WWC1: variants seen among roughly 807,000 people sequenced by gnomAD.
The protein encoded by WWC1 is WW and C2 domain containing 1.
WWC1 carries 55 observed loss-of-function variants against 138.4 expected under a neutral mutation model. The observed-to-expected ratio is 0.40, with a 90% confidence interval of 0.32 to 0.50. The LOEUF (loss-of-function observed/expected upper bound fraction) is 0.50, where lower values mean the gene tolerates loss of function less well. WWC1 is among the 20% of genes least tolerant of loss of function. WWC1 has a pLI of 0.72. For missense variants in WWC1, 1,226 were observed against 1,420.4 expected (o/e 0.86, Z 2.20); for synonymous variants, 524 against 564.9 (o/e 0.93, Z 1.03).
chr5:168,306,221 A>G (rs1561587695), intron 1 of WWC1, among the ~76,000 whole-genome samples: 1 of 151,980 alleles, frequency 6.6e-6, no homozygotes, highest in East Asian at 1.9e-4. Context: ...ACATGGTGAG[A>G]CCCTGTCTCT....
rs535087106 is a variant in WWC1 at position 168,375,667 on chromosome 5, C to T, written c.229+4134C>T. ...TTGTCTCACTGCAACCTCCACCTTCCGGGTTCAAGCAATTCTCCTGCCTCA... is the reference window on the plus strand; with the variant it reads ...TTGTCTCACTGCAACCTCCACCTTCTGGGTTCAAGCAATTCTCCTGCCTCA... On this transcript the variant is annotated intron_variant, in intron 2 of 22. Transcript: ENST00000265293. 4.8e-3 allele frequency among the ~76,000 whole-genome samples: 723 copies of T among 152,170 alleles called. 11 individuals are homozygous for T. The highest frequency in any genetic ancestry group is 0.016 in the African/African-American group (679 of 41,494).
chr5:168,325,615 TTCC>T (rs1772465783), intron 1 of WWC1, among the ~76,000 whole-genome samples: 1 of 152,212 alleles, frequency 6.6e-6, no homozygotes, highest in Non-Finnish European at 1.5e-5. Flanking sequence ...TGCACTGACA[TTCC>T]ATGTGAGAAA....
At position 168,423,984 on chromosome 5, in the gene WWC1, C is replaced by G. The variant is rs1325305481; in HGVS notation, c.1726C>G (p.Leu576Val). The stretch of plus-strand genomic sequence containing the variant: ...TGAAGACCCGGAGCTGAGTGCCACT[C>G]TTTGTGAACTGAGCCTTGGTAACAG... The part of the protein sequence containing the change: ...EFEDPELSAT[L>V]CELSLGNSAQ... Residue 576 changes from leucine (L) to valine (V), a missense_variant, in exon 11 of 23, where the codon CTT (leucine) becomes GTT (valine). Physicochemically the swap from Leu to Val is conservative, Grantham distance 32 (BLOSUM62 1). Coordinates refer to ENST00000265293, the MANE Select transcript of WWC1 (RefSeq NM_015238.3). The G allele has an allele frequency of 6.2e-7, 1 of 1,614,142 alleles. No individual in the cohort carries two copies. Among genetic ancestry groups the G allele is most frequent in the Admixed American group, 1.7e-5 (1 of 60,018 alleles).
chr5:168,404,465 C>T (rs1279454131), intron 5 of WWC1, among the ~76,000 whole-genome samples: 1 of 152,226 alleles, frequency 6.6e-6, no homozygotes, highest in African/African-American at 2.4e-5. Flanking sequence ...TGTTTTCTCT[C>T]CATGGAGGCT....
chr5:168,467,674 A>G, intron 21 of WWC1, 166 bp from the exon 22 acceptor site: 1 of 1,007,292 alleles, frequency 9.9e-7, no homozygotes, highest in Non-Finnish European at 1.4e-6. Context: ...ACTCAAACAG[A>G]TGATTTGAGC....
At chr5:168,325,351 G>A (rs753880394) in intron 1 of WWC1, among the ~76,000 whole-genome samples, 1 of 152,202 alleles carries the variant, frequency 6.6e-6, no homozygotes, top group Non-Finnish European at 1.5e-5. Context: ...CTGGGGTCCT[G>A]GAGTGGTGGA....
intron 17 of WWC1, among the ~76,000 whole-genome samples, chr5:168,447,567 A>G (rs892833231): frequency 3.3e-5 from 5 of 152,148 alleles, no homozygotes; most frequent in Non-Finnish European, 7.4e-5. Context: ...ATTTTAAAAT[A>G]TAAAAACCAT....
intron 1 of WWC1, among the ~76,000 whole-genome samples, chr5:168,297,626 C>CAAAAAAAAAAAAAAAAAA (rs70976474): frequency 1.8e-5 from 1 of 54,778 alleles, no homozygotes; most frequent in Non-Finnish European, 3.7e-5. Context: ...AACTCCATCT[C>CAAAAAAAAAAAAAAAAAA]AAAAAAAAAA....
intron 15 of WWC1, among the ~76,000 whole-genome samples, chr5:168,441,148 G>A (rs186067548): frequency 9.2e-5 from 14 of 152,274 alleles, no homozygotes; most frequent in African/African-American, 3.1e-4. Context: ...GCATTGTTAA[G>A]TTCAATAAGC....
At chr5:168,414,682 G>T in intron 9 of WWC1, 92 bp downstream of exon 9, 3 of 1,434,876 alleles carry the variant, frequency 2.1e-6, no homozygotes, top group Non-Finnish European at 2.8e-6. Flanking sequence ...GGGGCTCCGG[G>T]CCCCTGGGCT....
intron 1 of WWC1, among the ~76,000 whole-genome samples, chr5:168,321,678 C>T (rs1772118453): frequency 6.6e-6 from 1 of 152,002 alleles, no homozygotes; most frequent in African/African-American, 2.4e-5. Context: ...GCTGGGATTA[C>T]AGGCATGTGC....
chr5:168,319,487 G>A (rs1251963202), intron 1 of WWC1, among the ~76,000 whole-genome samples: 1 of 152,160 alleles, frequency 6.6e-6, no homozygotes, highest in Non-Finnish European at 1.5e-5. Flanking sequence ...TACCCAGAAG[G>A]AGAATTGCTA....
chr5:168,460,619 T>C, intron 19 of WWC1, 31 bp from the exon 20 acceptor site: 1 of 1,610,242 alleles, frequency 6.2e-7, no homozygotes, highest in East Asian at 2.2e-5. Context: ...ACTCTGACCA[T>C]GTTTAAGATT....
Position 168,454,036 on chromosome 5 carries a change from AG to A in WWC1, c.2597del (p.Gly866GlufsTer20). Reference protein sequence around the residue: ...EEEEEEVEEEEGEEDVFTEKA... With the variant: ...EEEEEEVEEEXGEEDVFTEKA... ...GAGGAGGAGGAGGTGGAGGAGGAGG[AG>A]GGAGAAGAGGATGTTTTCACCGAGA... On this transcript the variant is annotated frameshift_variant, in exon 18 of 23. Transcript: ENST00000265293. LOFTEE classifies it high-confidence loss of function. 1 of 1,571,346 alleles carries A rather than the reference AG, an allele frequency of 6.4e-7. No homozygotes were observed. The highest frequency in any genetic ancestry group is 1.1e-5 in the South Asian group (1 of 89,006).
intron 1 of WWC1, among the ~76,000 whole-genome samples, chr5:168,365,907 G>A (rs1425942516): frequency 6.6e-6 from 1 of 152,214 alleles, no homozygotes; most frequent in African/African-American, 2.4e-5. Flanking sequence ...GGGGTTTTCG[G>A]CAGCCCGAGT....
chr5:168,424,010 C>T lies in WWC1; in HGVS notation c.1752C>T (p.Ser584=), dbSNP rs1781326055. 2.0e-5 allele frequency: 32 copies of T among 1,613,356 alleles called. No individual in the cohort carries two copies. Among genetic ancestry groups the T allele is most frequent in the Non-Finnish European group, 2.4e-5 (28 of 1,179,686 alleles). The change falls in exon 11 of 23, where the codon AGC becomes AGT. Residue 584 remains serine, a synonymous_variant. Coordinates refer to ENST00000265293, the MANE Select transcript of WWC1 (RefSeq NM_015238.3). The part of the protein sequence containing the change: ...ATLCELSLGN[S]AQERYRLEEP... ...TTTGTGAACTGAGCCTTGGTAACAG[C>T]GCCCAGGAAAGATACCGGCTGGAGG...
At position 168,471,339 on chromosome 5, in the gene WWC1, T is replaced by C. The variant is rs1757665059; in HGVS notation, c.*2322T>C. ...GGCTTCACGTCTCTGAACACATCAA[T>C]CTCTGATGTTCTCTCTCCTTCCATT... On this transcript the variant is annotated 3_prime_UTR_variant, in exon 23 of 23. Transcript: ENST00000265293. 1 of 152,266 alleles carries C rather than the reference T, an allele frequency of 6.6e-6. No homozygotes were observed. Among genetic ancestry groups the C allele is most frequent in the Non-Finnish European group, 1.5e-5 (1 of 68,104 alleles). The allele number at this position is 152,266 out of a possible 1,614,324, so 9.4% of individuals were successfully genotyped here. A position where few individuals can be genotyped will look rare whatever the true frequency, so the allele number is the denominator to read the frequency against.
chr5:168,304,229 C>T (rs1770347454), intron 1 of WWC1, among the ~76,000 whole-genome samples: 1 of 152,102 alleles, frequency 6.6e-6, no homozygotes, highest in African/African-American at 2.4e-5. Context: ...TTTTGAGGAC[C>T]AGATTTTTTG....
At chr5:168,441,356 G>T (rs1290434688) in intron 15 of WWC1, among the ~76,000 whole-genome samples, 2 of 152,142 alleles carry the variant, frequency 1.3e-5, no homozygotes, top group African/African-American at 2.4e-5. Context: ...AACAATGTGC[G>T]TAATGTTTAA....
Sources: allele counts gnomAD v4.1 joint callset (sites outside exome capture counted in the v4.1 genomes callset), GRCh38; gene constraint gnomAD v4.1.1; transcripts MANE v1.5; gene names NCBI Gene and HGNC (gene_info 2026-07-23, HGNC 2026-07-21).